The following ADAMTS12 variants were observed in gnomAD, a reference collection of about 807,000 sequenced individuals.
ADAMTS12 encodes A disintegrin and metalloproteinase with thrombospondin motifs 12.
ADAMTS12 carries 118 observed loss-of-function variants against 167.8 expected under a neutral mutation model. That is an observed-to-expected ratio of 0.70 (90% CI 0.61 to 0.82). The LOEUF (loss-of-function observed/expected upper bound fraction) is 0.82, where lower values mean the gene tolerates loss of function less well. ADAMTS12 is among the 40% of genes least tolerant of loss of function. ADAMTS12 has a pLI of 0.00. For synonymous variants in ADAMTS12, 704 were observed against 716.9 expected (o/e 0.98, Z 0.29); for missense variants, 1,916 against 1,998.8 (o/e 0.96, Z 0.79).
chr5:33,695,755 A>G (rs1349613493), intron 3 of ADAMTS12, among the ~76,000 whole-genome samples: 1 of 152,172 alleles, frequency 6.6e-6, no homozygotes, highest in African/African-American at 2.4e-5. Context: ...GTTTGGGGAG[A>G]TGGGAAAACT....
At chr5:33,710,823 A>G (rs1743374405) in intron 3 of ADAMTS12, among the ~76,000 whole-genome samples, 1 of 152,160 alleles carries the variant, frequency 6.6e-6, no homozygotes, top group Non-Finnish European at 1.5e-5. Context: ...CAGAAATAAT[A>G]TTTCAAACAT....
Position 33,702,699 on chromosome 5 carries a change from T to G in ADAMTS12, c.635-18644A>C, listed in dbSNP as rs551138629. Reference sequence around the variant, plus strand: ...CTTCTTTACGAATCAACTGTGCATTTTTTTTCATTGACAAAACCTGACCTT... The same window carrying G: ...CTTCTTTACGAATCAACTGTGCATTGTTTTTCATTGACAAAACCTGACCTT... On this transcript the variant is annotated intron_variant, in intron 3 of 23. Coordinates refer to ENST00000504830, the MANE Select transcript of ADAMTS12 (RefSeq NM_030955.4). Among the ~76,000 whole-genome samples, 5 of 152,326 alleles carry G rather than the reference T, an allele frequency of 3.3e-5. No individual in the cohort carries two copies. In the East Asian group the frequency reaches 9.6e-4, roughly 29 times the overall value.
intron 23 of ADAMTS12, among the ~76,000 whole-genome samples, chr5:33,527,589 T>C (rs138404188): frequency 2.3e-4 from 35 of 152,334 alleles, no homozygotes; most frequent in African/African-American, 7.9e-4. Context: ...CCCATGTAAT[T>C]GTTTTATACA....
At chr5:33,857,904 A>C (rs1749467178) in intron 2 of ADAMTS12, among the ~76,000 whole-genome samples, 1 of 152,252 alleles carries the variant, frequency 6.6e-6, no homozygotes, top group East Asian at 1.9e-4. Flanking sequence ...ACAAATTCAC[A>C]ATTATGGTTG....
chr5:33,629,491 G>A (rs1458889694), intron 13 of ADAMTS12, among the ~76,000 whole-genome samples: 3 of 152,168 alleles, frequency 2.0e-5, no homozygotes, highest in African/African-American at 7.2e-5. Context: ...GAATCAAAAT[G>A]GAGCAACTAA....
chr5:33,549,903 C>G (rs985607828), intron 20 of ADAMTS12, among the ~76,000 whole-genome samples: 1 of 152,234 alleles, frequency 6.6e-6, no homozygotes, highest in Admixed American at 6.5e-5. Flanking sequence ...GTTACTATGT[C>G]TCTCTCATGA....
rs922399712 is a variant in ADAMTS12 at position 33,576,263 on chromosome 5, G to T, written c.3763C>A (p.His1255Asn). Reference protein sequence around the residue: ...ANTLLPLGGDHQPEPSGKTAN... With the variant: ...ANTLLPLGGDNQPEPSGKTAN... Reference sequence around the variant, plus strand: ...GTCTTTCCTGAGGGTTCTGGCTGGTGGTCTCCTCCCAGAGGGAGCAGAGTG... The same window carrying T: ...GTCTTTCCTGAGGGTTCTGGCTGGTTGTCTCCTCCCAGAGGGAGCAGAGTG... The change falls in exon 19 of 24, where the codon CAC (histidine) becomes AAC (asparagine). Residue 1255 changes from histidine (H) to asparagine (N), a missense_variant. Coordinates refer to ENST00000504830, the MANE Select transcript of ADAMTS12 (RefSeq NM_030955.4). 1.9e-6 allele frequency: 3 copies of T among 1,614,060 alleles called. No homozygotes were observed. The African/African-American group carries it at 4.0e-5, about 22-fold the overall frequency.
chr5:33,712,998 G>C (rs1464789388), intron 3 of ADAMTS12, among the ~76,000 whole-genome samples: 1 of 152,062 alleles, frequency 6.6e-6, no homozygotes, highest in East Asian at 1.9e-4. Flanking sequence ...GACTTGTTAG[G>C]GATTTGCATC....
rs148148864 is a variant in ADAMTS12 at position 33,550,614 on chromosome 5, T to C, written c.4126-1231A>G. ...TCACTGCTTTTTTTTAATGCCTCAT[T>C]TTCAATGGCACCTCTTCTGAGAGGT... On this transcript the variant is annotated intron_variant, in intron 20 of 23. Transcript: ENST00000504830. Among the ~76,000 whole-genome samples, 5 of 152,308 alleles carry C rather than the reference T, an allele frequency of 3.3e-5. No individual in the cohort carries two copies. The East Asian group carries it at 9.7e-4, about 29-fold the overall frequency.
intron 2 of ADAMTS12, among the ~76,000 whole-genome samples, chr5:33,767,549 A>G (rs1269052191): frequency 1.3e-5 from 2 of 152,186 alleles, no homozygotes; most frequent in Non-Finnish European, 2.9e-5. Flanking sequence ...CATTGGTAAC[A>G]TGTTTTAACT....
intron 2 of ADAMTS12, among the ~76,000 whole-genome samples, chr5:33,777,043 A>G (rs536102417): frequency 1.3e-5 from 2 of 152,284 alleles, no homozygotes; most frequent in East Asian, 3.9e-4. Flanking sequence ...AAAACCTCCC[A>G]ACAAAGAAAA....
At chr5:33,582,242 T>A (rs1303992692) in intron 18 of ADAMTS12, among the ~76,000 whole-genome samples, 2 of 152,178 alleles carry the variant, frequency 1.3e-5, no homozygotes. Flanking sequence ...GAGGTGCCCA[T>A]ATCTGTTCCC....
At chr5:33,772,970 T>C (rs1745798344) in intron 2 of ADAMTS12, among the ~76,000 whole-genome samples, 1 of 152,228 alleles carries the variant, frequency 6.6e-6, no homozygotes, top group Non-Finnish European at 1.5e-5. Context: ...AAGGTGTTTG[T>C]GATCTGCGTC....
intron 5 of ADAMTS12, among the ~76,000 whole-genome samples, chr5:33,676,752 C>A (rs1741927224): frequency 6.6e-6 from 1 of 151,618 alleles, no homozygotes. Flanking sequence ...AATTCTTTGC[C>A]AGTATTTTTG....
At chr5:33,682,984 C>T (rs10080136) in intron 5 of ADAMTS12, 34 bp downstream of exon 5, 48,323 of 1,577,808 alleles carry the variant, frequency 0.031, 1,731 homozygotes, top group East Asian at 0.17. Flanking sequence ...AGTGCGAGGA[C>T]ATATAGCAGA....
At chr5:33,685,074 A>C (rs961356925) in intron 3 of ADAMTS12, among the ~76,000 whole-genome samples, 4 of 152,338 alleles carry the variant, frequency 2.6e-5, no homozygotes, top group African/African-American at 9.6e-5. Flanking sequence ...GATACAGGGC[A>C]GCGCCTGGGT....
chr5:33,780,777 C>A (rs1194393302), intron 2 of ADAMTS12, among the ~76,000 whole-genome samples: 1 of 152,190 alleles, frequency 6.6e-6, no homozygotes, highest in Non-Finnish European at 1.5e-5. Flanking sequence ...TGCTTCCCAG[C>A]TGACTCCTTT....
At chr5:33,751,829 T>C (rs566415949) in intron 2 of ADAMTS12, among the ~76,000 whole-genome samples, 1 of 152,366 alleles carries the variant, frequency 6.6e-6, no homozygotes, top group African/African-American at 2.4e-5. Flanking sequence ...TACAATTCTT[T>C]AGGTTCACAG....
rs879598598 is a variant in ADAMTS12, at chr5:33,826,177, T to C, written c.489+54942A>G. 1.3e-5 allele frequency among the ~76,000 whole-genome samples: 2 copies of C among 152,284 alleles called. 1 individual carries two copies. Among genetic ancestry groups the C allele is most frequent in the South Asian group, 4.1e-4 (2 of 4,828 alleles). ...GACATTTCTAAGGGAAGTCAAGAAA[T>C]AAATTGTTTTCTCTACTTCTCTTTG... On this transcript the variant is annotated intron_variant, in intron 2 of 23. Coordinates refer to ENST00000504830, the MANE Select transcript of ADAMTS12 (RefSeq NM_030955.4).
Sources: allele counts gnomAD v4.1 joint callset (sites outside exome capture counted in the v4.1 genomes callset), GRCh38; gene constraint gnomAD v4.1.1; transcripts MANE v1.5; gene names NCBI Gene and HGNC (gene_info 2026-07-23, HGNC 2026-07-21).